Variants in RAB10 observed in about 807,000 individuals in gnomAD.
RAB10 encodes RAB10, member RAS oncogene family, also known as ras-related protein Rab-10.
RAB10 carries 5 observed loss-of-function variants against 25.7 expected under a neutral mutation model. The ratio of observed to expected loss-of-function variants is 0.19; its 90% CI spans 0.10 to 0.41. The LOEUF is 0.41. Among genes scored for constraint, RAB10 ranks in the 10% least tolerant of loss-of-function variants. The probability of loss-of-function intolerance (pLI) is 1.00; values close to 1 mark genes in which losing one functional copy is unlikely to be tolerated. For synonymous variants in RAB10, 89 were observed against 86.4 expected (o/e 1.03, Z -0.16); for missense variants, 103 against 245.8 (o/e 0.42, Z 3.89).
chr2:26,034,999 C>T lies in RAB10; in HGVS notation c.127+264C>T, dbSNP rs6744000. On this transcript the variant is annotated intron_variant, in intron 1 of 5. Coordinates refer to ENST00000264710, the MANE Select transcript of RAB10 (RefSeq NM_016131.5). ...TGCATCATTTAACCATGTTCCAGAA[C>T]CTTATTTCTTCAGGCGACTGGACTG... Among the ~76,000 whole-genome samples the T allele has an allele frequency of 3.0e-3, 456 of 152,314 alleles. 3 individuals carry two copies. Among genetic ancestry groups the T allele is most frequent in the African/African-American group, 0.011 (441 of 41,560 alleles).
At chr2:26,114,610 G>T (rs929138878) in intron 3 of RAB10, among the ~76,000 whole-genome samples, 2 of 152,062 alleles carry the variant, frequency 1.3e-5, no homozygotes, top group Non-Finnish European at 2.9e-5. Context: ...GACCACAAAG[G>T]TTGGGTATGG....
At position 26,136,340 on chromosome 2, in the gene RAB10, CTT is replaced by C. The variant is rs1355719514; in HGVS notation, c.*1323_*1324del. ...ATTGAGATTTGGCCTCTGAAGAACA[CTT>C]TTTCAGTGTTAAGTTTCTTTACCTT... On this transcript the variant is annotated 3_prime_UTR_variant, in exon 6 of 6. Transcript: ENST00000264710. 1 of 152,518 alleles carries C rather than the reference CTT, an allele frequency of 6.6e-6. No individual in the cohort carries two copies. Among genetic ancestry groups the C allele is most frequent in the Non-Finnish European group, 1.5e-5 (1 of 68,010 alleles). 9.4% of individuals were successfully genotyped at this position (152,518 alleles called of 1,614,324 possible).
chr2:26,048,354 C>T (rs1429223332), intron 1 of RAB10, among the ~76,000 whole-genome samples: 1 of 152,172 alleles, frequency 6.6e-6, no homozygotes, highest in Non-Finnish European at 1.5e-5. Flanking sequence ...ACTTTCTCTG[C>T]ATCCTCACCA....
At chr2:26,124,861 T>G (rs1436609228) in intron 3 of RAB10, among the ~76,000 whole-genome samples, 1 of 152,226 alleles carries the variant, frequency 6.6e-6, no homozygotes, top group Non-Finnish European at 1.5e-5. Flanking sequence ...ATATAGTATT[T>G]GTTCAATTTG....
At chr2:26,086,107 G>C (rs901143341) in intron 1 of RAB10, among the ~76,000 whole-genome samples, 1 of 151,626 alleles carries the variant, frequency 6.6e-6, no homozygotes, top group East Asian at 1.9e-4. Context: ...CTGAGGCCAG[G>C]AGTTCAAGAC....
intron 2 of RAB10, among the ~76,000 whole-genome samples, chr2:26,109,181 A>T (rs1012448401): frequency 1.8e-4 from 28 of 152,224 alleles, no homozygotes; most frequent in African/African-American, 6.0e-4. Flanking sequence ...AAGGGCTGGG[A>T]TTACAAGTGT....
chr2:26,067,114 C>A (rs1278846551), intron 1 of RAB10, among the ~76,000 whole-genome samples: 1 of 151,824 alleles, frequency 6.6e-6, no homozygotes, highest in Non-Finnish European at 1.5e-5. Context: ...ACGGGGTCTC[C>A]CTATGTTGCC....
chr2:26,128,319 C>G (rs1667942838), intron 5 of RAB10, among the ~76,000 whole-genome samples: 1 of 152,218 alleles, frequency 6.6e-6, no homozygotes, highest in South Asian at 2.1e-4. Flanking sequence ...AATGCTCACT[C>G]ACTTGCTGCT....
intron 3 of RAB10, among the ~76,000 whole-genome samples, chr2:26,115,316 CAA>C (rs11355375): frequency 1.7e-4 from 26 of 148,752 alleles, no homozygotes; most frequent in Non-Finnish European, 3.0e-4. Context: ...TCACAATAGC[CAA>C]AAAAAAAAAC....
chr2:26,072,845 GGATT>G (rs1178953252), intron 1 of RAB10, among the ~76,000 whole-genome samples: 1 of 152,146 alleles, frequency 6.6e-6, no homozygotes, highest in African/African-American at 2.4e-5. Flanking sequence ...ATGTTAACAT[GGATT>G]GGATTTATTT....
At chr2:26,056,057 G>A (rs1247365102) in intron 1 of RAB10, among the ~76,000 whole-genome samples, 1 of 151,806 alleles carries the variant, frequency 6.6e-6, no homozygotes, top group Non-Finnish European at 1.5e-5. Flanking sequence ...ACCACACCTG[G>A]ATTAGTTTTT....
chr2:26,070,565 G>A (rs923979653), intron 1 of RAB10, among the ~76,000 whole-genome samples: 1 of 152,078 alleles, frequency 6.6e-6, no homozygotes, highest in Admixed American at 6.6e-5. Flanking sequence ...AGCTATGTAG[G>A]TAACTATTAT....
intron 1 of RAB10, among the ~76,000 whole-genome samples, chr2:26,035,708 G>A (rs900650292): frequency 6.6e-6 from 1 of 152,118 alleles, no homozygotes; most frequent in South Asian, 2.1e-4. Context: ...GCATTGTGGC[G>A]GTGCAGTTGA....
intron 1 of RAB10, among the ~76,000 whole-genome samples, chr2:26,089,051 G>A (rs1227380415): frequency 2.6e-5 from 4 of 152,202 alleles, no homozygotes; most frequent in Non-Finnish European, 4.4e-5. Flanking sequence ...GTTTGAATGT[G>A]ACTACAGGAG....
intron 1 of RAB10, among the ~76,000 whole-genome samples, chr2:26,052,581 C>T (rs1456223390): frequency 1.3e-5 from 2 of 151,166 alleles, no homozygotes; most frequent in African/African-American, 4.9e-5. Flanking sequence ...TCACCTGCCT[C>T]GAATCTGGGG....
At chr2:26,085,123 G>A (rs970644647) in intron 1 of RAB10, among the ~76,000 whole-genome samples, 4 of 152,160 alleles carry the variant, frequency 2.6e-5, no homozygotes, top group Admixed American at 2.6e-4. Context: ...TACAGCATGT[G>A]GCAAAAGGAA....
At chr2:26,094,961 G>A (rs995337728) in intron 1 of RAB10, among the ~76,000 whole-genome samples, 1 of 152,188 alleles carries the variant, frequency 6.6e-6, no homozygotes, top group African/African-American at 2.4e-5. Context: ...TTTATGTGGC[G>A]TTTAATGTTT....
chr2:26,130,724 C>T (rs1216835617), intron 5 of RAB10, among the ~76,000 whole-genome samples: 4 of 152,106 alleles, frequency 2.6e-5, no homozygotes, highest in African/African-American at 9.7e-5. Flanking sequence ...GTTGGAATTA[C>T]AGGTGTGAGC....
Position 26,135,733 on chromosome 2 carries a change from T to C in RAB10, c.*712T>C, listed in dbSNP as rs979925822. 7 of 152,650 alleles carry C rather than the reference T, an allele frequency of 4.6e-5. No homozygotes were observed. Among genetic ancestry groups the C allele is most frequent in the Non-Finnish European group, 1.0e-4 (7 of 68,034 alleles). 9.5% of individuals were successfully genotyped at this position (152,650 alleles called of 1,614,324 possible). The stretch of plus-strand genomic sequence containing the variant: ...AGTCTTGTTTTAAGTGGCCTTGATA[T>C]TTAAAACTATTCCTGCCACCATTTC... On this transcript the variant is annotated 3_prime_UTR_variant, in exon 6 of 6. Coordinates refer to ENST00000264710, the MANE Select transcript of RAB10 (RefSeq NM_016131.5).
Sources: gnomAD v4.1 joint callset for allele counts (sites outside exome capture counted in the v4.1 genomes callset) on GRCh38, gnomAD v4.1.1 for gene constraint, MANE v1.5 for transcripts, NCBI Gene and HGNC (gene_info 2026-07-23, HGNC 2026-07-21) for gene names.